The following SCN11A variants were observed in gnomAD, a reference collection of about 807,000 sequenced individuals.
SCN11A encodes sodium channel protein type 11 subunit alpha.
SCN11A carries 122 observed loss-of-function variants against 162.2 expected under a neutral mutation model. The observed-to-expected ratio is 0.75, with a 90% confidence interval of 0.65 to 0.87. The LOEUF (loss-of-function observed/expected upper bound fraction) is 0.87. SCN11A is among the 40% of genes least tolerant of loss of function. SCN11A has a pLI of 0.00. For missense variants in SCN11A, 2,015 were observed against 2,181.6 expected, an observed-to-expected ratio of 0.92 and a Z score of 1.52; for synonymous variants, 758 against 751.5, an observed-to-expected ratio of 1.01 and a Z score of -0.14.
intron 28 of SCN11A, among the ~76,000 whole-genome samples, chr3:38,857,041 C>T (rs113975553): frequency 0.016 from 2,384 of 152,206 alleles, 24 homozygotes; most frequent in Middle Eastern, 0.048. Context: ...AAGTAATAGT[C>T]TACCCAAGTG....
Position 39,027,821 on chromosome 3 carries a change from C to G in SCN11A, c.-280+4559G>C, listed in dbSNP as rs143913765. On this transcript the variant is annotated intron_variant, in intron 2 of 29. Coordinates refer to ENST00000302328, the MANE Select transcript of SCN11A (RefSeq NM_001349253.2). ...TTACCTTCTAGAGCTTTCTTGGGCA[C>G]TTCTGGGAGCCCCAGCTCTGTGACC... Among the ~76,000 whole-genome samples, 308 of 152,308 alleles carry G rather than the reference C, an allele frequency of 2.0e-3. 1 individual carries two copies. The highest frequency in any genetic ancestry group is 7.0e-3 in the African/African-American group (292 of 41,570).
At chr3:38,869,468 A>G (rs185412760) in intron 26 of SCN11A, among the ~76,000 whole-genome samples, 151 of 152,310 alleles carry the variant, frequency 9.9e-4, no homozygotes, top group African/African-American at 3.3e-3. Flanking sequence ...TATAATTGTT[A>G]TAAACAGTTA....
At chr3:38,903,830 AAT>A in intron 16 of SCN11A, 33 bp downstream of exon 16, 1 of 1,437,076 alleles carries the variant, frequency 7.0e-7, no homozygotes, top group Non-Finnish European at 9.5e-7. Flanking sequence ...TAAAGTATGA[AAT>A]ATGTTTTTTA....
At chr3:38,953,271 G>T (rs1372849154) in intron 4 of SCN11A, among the ~76,000 whole-genome samples, 1 of 152,124 alleles carries the variant, frequency 6.6e-6, no homozygotes, top group Non-Finnish European at 1.5e-5. Flanking sequence ...GTGGAGGGTG[G>T]AAGGAAGGAA....
intron 7 of SCN11A, among the ~76,000 whole-genome samples, chr3:38,934,941 C>T (rs1383278299): frequency 5.3e-5 from 8 of 151,302 alleles, no homozygotes; most frequent in African/African-American, 1.7e-4. Flanking sequence ...TTCAGCACCA[C>T]ACCACACCTA....
intron 4 of SCN11A, among the ~76,000 whole-genome samples, chr3:38,950,896 G>C (rs953315536): frequency 6.6e-6 from 1 of 152,250 alleles, no homozygotes; most frequent in Non-Finnish European, 1.5e-5. Context: ...GGGAACAAAA[G>C]AGCCATAAAC....
In SCN11A at chr3:38,872,240, G is replaced by A. The variant is rs762833274; in HGVS notation, c.3448C>T (p.Arg1150Ter). ...AGCGCACGAAGAGGCCTCAGTGCTC[G>A]TAGAGTCCGGAAGGACTTCAATTCC... ...LMELKSFRTL[R>*]ALRPLRALSQ... Residue 1150 changes from arginine to a stop codon, truncating the protein, a stop_gained, in exon 24 of 30, where the codon CGA (arginine) becomes TGA (stop). Coordinates refer to ENST00000302328, the MANE Select transcript of SCN11A (RefSeq NM_001349253.2). LOFTEE classifies it high-confidence loss of function. 9.3e-6 allele frequency: 15 copies of A among 1,610,986 alleles called. No individual in the cohort carries two copies. Among genetic ancestry groups the A allele is most frequent in the Admixed American group, 3.3e-5 (2 of 59,930 alleles).
intron 19 of SCN11A, among the ~76,000 whole-genome samples, 161 bp from the exon 20 acceptor site, chr3:38,886,399 C>T (rs1268926646): frequency 6.6e-6 from 1 of 152,114 alleles, no homozygotes; most frequent in East Asian, 1.9e-4. Flanking sequence ...AAAAACTCAA[C>T]ATAATATAAT....
intron 18 of SCN11A, among the ~76,000 whole-genome samples, chr3:38,895,898 T>C (rs1362968345): frequency 1.3e-5 from 2 of 152,198 alleles, no homozygotes; most frequent in African/African-American, 4.8e-5. Context: ...ACACCATTTA[T>C]TAGGTACTTA....
intron 29 of SCN11A, chr3:38,849,821 G>A (rs1309161022): frequency 6.6e-6 from 1 of 152,222 alleles, no homozygotes; most frequent in Admixed American, 6.5e-5. Flanking sequence ...CGTGTGATTA[G>A]GAAAAATATA....
intron 9 of SCN11A, among the ~76,000 whole-genome samples, chr3:38,924,793 G>A (rs1317844080): frequency 6.6e-6 from 1 of 152,058 alleles, no homozygotes; most frequent in Non-Finnish European, 1.5e-5. Flanking sequence ...ACTGGCGTGA[G>A]CAACTGTACC....
At chr3:39,001,898 G>T (rs556438983) in intron 2 of SCN11A, among the ~76,000 whole-genome samples, 3 of 152,032 alleles carry the variant, frequency 2.0e-5, no homozygotes, top group Non-Finnish European at 2.9e-5. Context: ...TTAGCTGGGC[G>T]TGGTGGCGGG....
chr3:38,891,424 C>T (rs1348042625), intron 19 of SCN11A, among the ~76,000 whole-genome samples: 1 of 152,048 alleles, frequency 6.6e-6, no homozygotes, highest in Non-Finnish European at 1.5e-5. Flanking sequence ...CCATTAAGCA[C>T]ACCAACCAGA....
Position 38,946,840 on chromosome 3 carries a change from A to C in SCN11A, c.335T>G (p.Phe112Cys). 6.2e-7 allele frequency: 1 copy of C among 1,614,128 alleles called. No individual in the cohort carries two copies. The highest frequency in any genetic ancestry group is 1.1e-5 in the South Asian group (1 of 91,064). ...ACTTCTGATTGAATTGAAAGGCCCA[A>C]AAATGAACAAGGCATGCTTGGCACT... ...RFSAKHALFI[F>C]GPFNSIRSLA... The change falls in exon 6 of 30, where the codon TTT becomes TGT. Residue 112 changes from phenylalanine to cysteine, a missense_variant. Phe to Cys is a radical substitution (Grantham distance 205). Transcript: ENST00000302328.
chr3:38,984,173 C>T (rs2030154229), intron 2 of SCN11A, among the ~76,000 whole-genome samples: 1 of 152,184 alleles, frequency 6.6e-6, no homozygotes, highest in Admixed American at 6.5e-5. Flanking sequence ...CACTCATAAT[C>T]CTCTTAGACC....
Position 38,894,572 on chromosome 3 carries a change from A to T in SCN11A, c.2796T>A (p.Asp932Glu). 6.2e-7 allele frequency: 1 copy of T among 1,613,514 alleles called. No individual in the cohort carries two copies. The highest frequency in any genetic ancestry group is 8.5e-7 in the Non-Finnish European group (1 of 1,179,708). The change falls in exon 19 of 30, where the codon GAT becomes GAA. Residue 932 changes from aspartate to glutamate, a missense_variant. By Grantham distance (45) the Asp-to-Glu change is conservative. Coordinates refer to ENST00000302328, the MANE Select transcript of SCN11A (RefSeq NM_001349253.2). ...EEDDVEFSGE[D>E]NAQRITQPEP... ...CAGGTTGTGTGATGCGCTGTGCATT[A>T]TCTTCACCAGAAAATTCAACGTCAT...
At chr3:38,850,892 G>GGTCTGT in intron 28 of SCN11A, 141 bp from the exon 29 acceptor site, 1 of 611,398 alleles carries the variant, frequency 1.6e-6, no homozygotes, top group Non-Finnish European at 2.6e-6. Flanking sequence ...CTTTTCAAAG[G>GGTCTGT]GCAAGAAATT....
intron 2 of SCN11A, among the ~76,000 whole-genome samples, chr3:39,019,244 G>A (rs1169547323): frequency 1.3e-5 from 2 of 151,950 alleles, no homozygotes; most frequent in Non-Finnish European, 2.9e-5. Context: ...TTGCATGTCC[G>A]ATAATGGATG....
At chr3:39,018,325 G>A (rs574181281) in intron 2 of SCN11A, among the ~76,000 whole-genome samples, 1 of 152,236 alleles carries the variant, frequency 6.6e-6, no homozygotes, top group South Asian at 2.1e-4. Flanking sequence ...CTTGTTGGTT[G>A]TCTGTCCTGA....
Sources: allele counts gnomAD v4.1 joint callset (sites outside exome capture counted in the v4.1 genomes callset), GRCh38; gene constraint gnomAD v4.1.1; transcripts MANE v1.5; gene names NCBI Gene and HGNC (gene_info 2026-07-23, HGNC 2026-07-21).